NECTIN3: variants seen among roughly 807,000 people sequenced by gnomAD.
The protein encoded by NECTIN3 is nectin-3.
NECTIN3 carries 8 observed loss-of-function variants against 49.4 expected under a neutral mutation model. The ratio of observed to expected loss-of-function variants is 0.16; its 90% CI spans 0.10 to 0.29. The LOEUF (loss-of-function observed/expected upper bound fraction) is 0.29, where lower values mean the gene tolerates loss of function less well. NECTIN3 is among the 10% of genes least tolerant of loss of function. The pLI is 1.00. For missense variants in NECTIN3, 581 were observed against 654.6 expected, an observed-to-expected ratio of 0.89 and a Z score of 1.23; for synonymous variants, 277 against 241.1, an observed-to-expected ratio of 1.15 and a Z score of -1.38.
chr3:111,072,694 G>C lies in NECTIN3; in HGVS notation c.160+517G>C. ...CCAGCCGCAGAATCCCCTACAGCTA[G>C]TTTTCTTCTGTCTTGTGCCCACTCC... is the stretch of plus-strand genomic sequence containing the variant. On this transcript the variant is annotated intron_variant, in intron 1 of 5. Transcript: ENST00000485303. 1.1e-5 allele frequency: 11 copies of C among 1,017,496 alleles called. No individual in the cohort carries two copies. The South Asian group carries it at 1.7e-4, about 16-fold the overall frequency. 63.0% of individuals were successfully genotyped at this position (1,017,496 alleles called of 1,614,324 possible).
chr3:111,089,925 T>C (rs904637565), intron 1 of NECTIN3, among the ~76,000 whole-genome samples: 1 of 152,152 alleles, frequency 6.6e-6, no homozygotes, highest in African/African-American at 2.4e-5. Flanking sequence ...CCCGTGCATA[T>C]TAGGTTATGA....
intron 1 of NECTIN3, among the ~76,000 whole-genome samples, chr3:111,102,715 T>C (rs2032973559): frequency 6.6e-6 from 1 of 152,228 alleles, no homozygotes; most frequent in Non-Finnish European, 1.5e-5. Context: ...TAAAACATTA[T>C]TGTCGTATCT....
Position 111,071,942 on chromosome 3 carries a change from C to T in NECTIN3, c.-76C>T, listed in dbSNP as rs993273227. 8.9e-7 allele frequency: 1 copy of T among 1,121,608 alleles called. No homozygotes were observed. The highest frequency in any genetic ancestry group is 1.2e-6 in the Non-Finnish European group (1 of 852,396). The allele number at this position is 1,121,608 out of a possible 1,614,324, so 69.5% of individuals were successfully genotyped here. A position where few individuals can be genotyped will look rare whatever the true frequency, so the allele number is the denominator to read the frequency against. ...GCGCGCGCCGGACCTTCCACAGCCT[C>T]CGCCCAGAGCCTGAGGCGCCGGGGC... On this transcript the variant is annotated 5_prime_UTR_variant, in exon 1 of 6. Coordinates refer to ENST00000485303, the MANE Select transcript of NECTIN3 (RefSeq NM_015480.3).
chr3:111,136,079 A>G lies in NECTIN3; in HGVS notation c.*1864A>G. On this transcript the variant is annotated 3_prime_UTR_variant, in exon 6 of 6. Coordinates refer to ENST00000485303, the MANE Select transcript of NECTIN3 (RefSeq NM_015480.3). ...TGTGACTTTATTTTTAATTTAAACG[A>G]TGAGGTGGCCAGAAGAAAGATGGGT... is the stretch of plus-strand genomic sequence containing the variant. The G allele has an allele frequency of 1.1e-6, 1 of 920,794 alleles. No homozygotes were observed. The highest frequency in any genetic ancestry group is 1.3e-6 in the Non-Finnish European group (1 of 775,238). The allele number at this position is 920,794 out of a possible 1,614,324, so 57.0% of individuals were successfully genotyped here.
At chr3:111,175,066 C>A (rs1489725279) in intron 7 of NECTIN3, among the ~76,000 whole-genome samples, 2 of 151,970 alleles carry the variant, frequency 1.3e-5, no homozygotes, top group Non-Finnish European at 2.9e-5. Flanking sequence ...TGATCTTCCC[C>A]TGGAGCCTGG....
At chr3:111,112,811 T>TTTTA (rs1559785917) in intron 2 of NECTIN3, among the ~76,000 whole-genome samples, 1 of 152,176 alleles carries the variant, frequency 6.6e-6, no homozygotes, top group African/African-American at 2.4e-5. Context: ...ATTCCTGCTA[T>TTTTA]TTTAGATTTG....
At chr3:111,076,455 A>G (rs1353363919) in intron 1 of NECTIN3, among the ~76,000 whole-genome samples, 4 of 152,130 alleles carry the variant, frequency 2.6e-5, no homozygotes, top group African/African-American at 7.2e-5. Flanking sequence ...AAATCAAATA[A>G]CAGTTAAGTC....
At chr3:111,140,195 GTTTATC>G (rs139460718), downstream of NECTIN3, among the ~76,000 whole-genome samples, 2,118 of 151,878 alleles carry the variant, frequency 0.014, 50 homozygotes, top group African/African-American at 0.048. Flanking sequence ...TATTTTTAGA[GTTTATC>G]TTTATGTTCT....
chr3:111,095,376 T>C (rs1322647370), intron 1 of NECTIN3, among the ~76,000 whole-genome samples: 1 of 152,210 alleles, frequency 6.6e-6, no homozygotes, highest in Admixed American at 6.5e-5. Flanking sequence ...AGATACTTAA[T>C]GGAAATTATG....
At chr3:111,191,972 C>T (rs1398520674), upstream of NECTIN3, among the ~76,000 whole-genome samples, 3 of 152,164 alleles carry the variant, frequency 2.0e-5, no homozygotes, top group African/African-American at 7.2e-5. Context: ...GCTGGGATTA[C>T]AGGTGTGCCC....
Position 111,118,666 on chromosome 3 carries a change from T to G in NECTIN3, c.513T>G (p.Thr171=). The G allele has an allele frequency of 1.3e-6, 2 of 1,597,668 alleles. No individual in the cohort carries two copies. Among genetic ancestry groups the G allele is most frequent in the Non-Finnish European group, 1.7e-6 (2 of 1,170,802 alleles). ...AAAATATTTAAACAGTTGAACCCAC[T>G]GTGAGCCTGATAAAAGGGCCAGATT... The part of the protein sequence containing the change: ...STTVTVLVEP[T]VSLIKGPDSL... Residue 171 remains threonine, a synonymous_variant, in exon 3 of 6, where the codon ACT becomes ACG. Transcript: ENST00000485303.
intron 1 of NECTIN3, among the ~76,000 whole-genome samples, chr3:111,098,866 T>C (rs2032742347): frequency 6.6e-6 from 1 of 151,978 alleles, no homozygotes; most frequent in Non-Finnish European, 1.5e-5. Context: ...CTTCATCTCC[T>C]TTGTCCTTCC....
chr3:111,156,392 G>T (rs1392537855), intron 7 of NECTIN3, among the ~76,000 whole-genome samples: 1 of 150,600 alleles, frequency 6.6e-6, no homozygotes, highest in Non-Finnish European at 1.5e-5. Context: ...TTTTAAAGAG[G>T]CCATTGGTTA....
At chr3:111,144,972 C>T (rs1282823431) in exon 6 of NECTIN3, 25 of 1,536,162 alleles carry the variant, frequency 1.6e-5, no homozygotes, top group East Asian at 9.8e-5. Context: ...CCCTTTTCAT[C>T]ATTGCTATCT....
intron 1 of NECTIN3, among the ~76,000 whole-genome samples, chr3:111,079,620 A>G (rs958726492): frequency 1.3e-5 from 2 of 151,742 alleles, no homozygotes; most frequent in African/African-American, 4.8e-5. Context: ...GCATATAGCT[A>G]ACAGTTCTAT....
chr3:111,107,647 C>T (rs1479964844), intron 1 of NECTIN3, among the ~76,000 whole-genome samples: 1 of 152,096 alleles, frequency 6.6e-6, no homozygotes, highest in Admixed American at 6.6e-5. Flanking sequence ...TACATTTCTT[C>T]AGGACCTTTC....
At chr3:111,168,778 A>G (rs79140462) in intron 7 of NECTIN3, among the ~76,000 whole-genome samples, 5 of 152,186 alleles carry the variant, frequency 3.3e-5, no homozygotes, top group Non-Finnish European at 7.4e-5. Context: ...GCTAATCACA[A>G]TCGAGGATAG....
chr3:111,093,274 T>C (rs1362096006), intron 1 of NECTIN3, among the ~76,000 whole-genome samples: 4 of 152,192 alleles, frequency 2.6e-5, no homozygotes, highest in Non-Finnish European at 5.9e-5. Flanking sequence ...AATTCCATTT[T>C]ATCACAGAGC....
intron 1 of NECTIN3, chr3:111,072,520 G>A: frequency 3.9e-6 from 6 of 1,535,958 alleles, no homozygotes; most frequent in Non-Finnish European, 5.2e-6. Flanking sequence ...CGTAGGTTAA[G>A]GTGCCGGGAT....
Sources: gnomAD v4.1 joint callset for allele counts (sites outside exome capture counted in the v4.1 genomes callset) on GRCh38, gnomAD v4.1.1 for gene constraint, MANE v1.5 for transcripts, NCBI Gene and HGNC (gene_info 2026-07-23, HGNC 2026-07-21) for gene names.